The following FRMD6 variants were observed in gnomAD, a reference collection of about 807,000 sequenced individuals.
The protein encoded by FRMD6 is FERM domain containing 6.
A neutral mutation model predicts 73.2 loss-of-function variants in FRMD6; 37 were observed. That is an observed-to-expected ratio of 0.51 (90% CI 0.39 to 0.66). The LOEUF is 0.66. FRMD6 is among the 30% of genes least tolerant of loss of function. FRMD6 has a pLI of 0.00. For missense variants in FRMD6, 714 were observed against 780.5 expected, an observed-to-expected ratio of 0.91 and a Z score of 1.02; for synonymous variants, 273 against 282.2, an observed-to-expected ratio of 0.97 and a Z score of 0.33.
chr14:51,583,869 A>AG (rs1888874486), intron 2 of FRMD6, among the ~76,000 whole-genome samples: 1 of 152,214 alleles, frequency 6.6e-6, no homozygotes, highest in Non-Finnish European at 1.5e-5. Flanking sequence ...TGGAGGTTTT[A>AG]GGAAGCAAGA....
chr14:51,623,137 G>A (rs1467527), intron 2 of FRMD6, among the ~76,000 whole-genome samples: 115,972 of 152,082 alleles, frequency 0.76, 44,590 homozygotes, highest in Non-Finnish European at 0.8. Context: ...TCTAATTTTA[G>A]AATCAACTGG....
At chr14:51,670,843 C>A (rs946165783) in intron 1 of FRMD6, among the ~76,000 whole-genome samples, 9 of 152,044 alleles carry the variant, frequency 5.9e-5, no homozygotes, top group African/African-American at 2.2e-4. Context: ...GATGGGGTTT[C>A]GTCATGTTGG....
intron 1 of FRMD6, among the ~76,000 whole-genome samples, chr14:51,531,681 T>C (rs1885591368): frequency 6.6e-6 from 1 of 152,230 alleles, no homozygotes; most frequent in African/African-American, 2.4e-5. Context: ...TCAACAACTA[T>C]TATCAAGTTC....
chr14:51,416,285 C>T, the FRMD6 span, among the ~76,000 whole-genome samples: 1 of 152,146 alleles, frequency 6.6e-6, no homozygotes, highest in Admixed American at 6.6e-5. Context: ...CTTTTGTGGG[C>T]ATTTAGTGCT....
At chr14:51,489,169 A>G (rs1882854690) in exon 1 of FRMD6, 1 of 152,024 alleles carries the variant, frequency 6.6e-6, no homozygotes, top group Non-Finnish European at 1.5e-5. Context: ...AACTAACACT[A>G]TTTTCTCCTG....
chr14:51,459,636 G>C, the FRMD6 span, among the ~76,000 whole-genome samples: 10 of 151,990 alleles, frequency 6.6e-5, 1 homozygote, highest in South Asian at 1.2e-3. Flanking sequence ...GACCATCCTG[G>C]CTAACATGGC....
At chr14:51,465,035 C>G in the FRMD6 span, among the ~76,000 whole-genome samples, 1 of 151,966 alleles carries the variant, frequency 6.6e-6, no homozygotes, top group East Asian at 1.9e-4. Flanking sequence ...CAAGAACCAC[C>G]AGAAATTAAA....
At chr14:51,523,253 G>A (rs1192844878) in intron 1 of FRMD6, among the ~76,000 whole-genome samples, 1 of 152,082 alleles carries the variant, frequency 6.6e-6, no homozygotes, top group Non-Finnish European at 1.5e-5. Flanking sequence ...TTAGTGCCTT[G>A]GGGAAATAGC....
intron 1 of FRMD6, among the ~76,000 whole-genome samples, chr14:51,518,036 G>GA (rs1488563422): frequency 6.6e-6 from 1 of 152,184 alleles, no homozygotes; most frequent in South Asian, 2.1e-4. Context: ...TTGTCTAAGA[G>GA]AAAAAAATTA....
At chr14:51,578,802 G>T (rs1395079262) in intron 2 of FRMD6, among the ~76,000 whole-genome samples, 1 of 152,198 alleles carries the variant, frequency 6.6e-6, no homozygotes, top group African/African-American at 2.4e-5. Context: ...CCAAAGCAGG[G>T]AGGTACATAT....
chr14:51,622,417 A>C (rs1890959277), intron 2 of FRMD6, among the ~76,000 whole-genome samples: 1 of 152,232 alleles, frequency 6.6e-6, no homozygotes, highest in Admixed American at 6.5e-5. Flanking sequence ...TAAAATGGTC[A>C]CTAAAGGTAG....
At chr14:51,567,429 C>T (rs1182309967) in intron 1 of FRMD6, among the ~76,000 whole-genome samples, 1 of 152,172 alleles carries the variant, frequency 6.6e-6, no homozygotes, top group Non-Finnish European at 1.5e-5. Flanking sequence ...TCACTGCAAC[C>T]TCCAACTCCT....
At chr14:51,536,572 C>A (rs1337733215) in intron 1 of FRMD6, among the ~76,000 whole-genome samples, 2 of 152,082 alleles carry the variant, frequency 1.3e-5, no homozygotes, top group Admixed American at 6.6e-5. Flanking sequence ...TGCCTGCCAC[C>A]ACACCTGGCT....
the FRMD6 span, among the ~76,000 whole-genome samples, chr14:51,399,243 C>T: frequency 1.4e-4 from 21 of 152,268 alleles, no homozygotes; most frequent in South Asian, 6.2e-4. Context: ...TTCTCCTCCC[C>T]GTCTATCTTT....
intron 1 of FRMD6, among the ~76,000 whole-genome samples, chr14:51,667,387 G>GA (rs1305367271): frequency 2.0e-5 from 3 of 152,046 alleles, no homozygotes; most frequent in South Asian, 2.1e-4. Context: ...ATGGTATCCT[G>GA]AAAAAAACTC....
At chr14:51,529,318 A>C (rs1018563406) in intron 1 of FRMD6, among the ~76,000 whole-genome samples, 2 of 152,378 alleles carry the variant, frequency 1.3e-5, no homozygotes, top group Non-Finnish European at 2.9e-5. Flanking sequence ...GAATAACAAT[A>C]ATCATGAAAA....
At chr14:51,478,300 T>G in the FRMD6 span, among the ~76,000 whole-genome samples, 1 of 152,240 alleles carries the variant, frequency 6.6e-6, no homozygotes, top group South Asian at 2.1e-4. Flanking sequence ...ATATATTATA[T>G]GCATTTTTTT....
chr14:51,704,637 G>A, intron 5 of FRMD6, 112 bp from the exon 6 acceptor site: 1 of 813,546 alleles, frequency 1.2e-6, no homozygotes, highest in Non-Finnish European at 1.9e-6. Context: ...GGAGGGAGGA[G>A]CAGAAACAGA....
the FRMD6 span, among the ~76,000 whole-genome samples, chr14:51,412,473 A>G: frequency 6.6e-6 from 1 of 151,762 alleles, no homozygotes; most frequent in East Asian, 1.9e-4. Flanking sequence ...TGAGAAGTAC[A>G]CAATTTTCAT....
Sources: gnomAD v4.1 joint callset for allele counts (sites outside exome capture counted in the v4.1 genomes callset) on GRCh38, gnomAD v4.1.1 for gene constraint, MANE v1.5 for transcripts, NCBI Gene and HGNC (gene_info 2026-07-23, HGNC 2026-07-21) for gene names.